The following PKHD1L1 variants were observed in gnomAD, a reference collection of about 807,000 sequenced individuals.
PKHD1L1 encodes the protein fibrocystin-L.
A neutral mutation model predicts 462.9 loss-of-function variants in PKHD1L1; 434 were observed. The observed-to-expected ratio is 0.94, with a 90% confidence interval of 0.87 to 1.02. The LOEUF (loss-of-function observed/expected upper bound fraction) is 1.02, where lower values mean the gene tolerates loss of function less well. Among genes scored for constraint, PKHD1L1 ranks in the 50% least tolerant of loss-of-function variants. The pLI, the probability that PKHD1L1 is intolerant of heterozygous loss-of-function variation, is 0.00. For missense variants in PKHD1L1, 5,202 were observed against 5,096.1 expected (o/e 1.02, Z -0.63); for synonymous variants, 1,781 against 1,750.0 (o/e 1.02, Z -0.44).
In PKHD1L1 at chr8:109,518,298, TC is replaced by T; in HGVS notation, c.11822del (p.Ser3941PhefsTer26). 4.3e-6 allele frequency: 7 copies of T among 1,612,768 alleles called. No individual in the cohort carries two copies. Among genetic ancestry groups the T allele is most frequent in the Admixed American group, 1.7e-5 (1 of 59,932 alleles). ...EIHTATVIFV[S>X]FQLSVATEDD... ...TCACACTGCCACAGTGATATTTGTT[TC>T]TTTCCAATTATCTGTTGCAACAGAA... is the stretch of plus-strand genomic sequence containing the variant. On this transcript the variant is annotated frameshift_variant, in exon 73 of 78. Transcript: ENST00000378402. LOFTEE classifies it high-confidence loss of function.
At chr8:109,504,531 G>A (rs375048445) in intron 68 of PKHD1L1, 39 bp downstream of exon 68, 4 of 1,260,528 alleles carry the variant, frequency 3.2e-6, no homozygotes, top group Non-Finnish European at 1.1e-6. Context: ...TATCTTTATA[G>A]TTTTTCATTC....
chr8:109,416,792 A>G (rs1207538580), intron 21 of PKHD1L1, among the ~76,000 whole-genome samples: 1 of 152,184 alleles, frequency 6.6e-6, no homozygotes, highest in East Asian at 1.9e-4. Context: ...ATTATATACC[A>G]CTGCTTCATG....
In PKHD1L1 at chr8:109,466,804, A is replaced by C. The variant is rs539987370; in HGVS notation, c.8605+35A>C. On this transcript the variant is annotated intron_variant, in intron 50 of 77. Coordinates refer to ENST00000378402, the MANE Select transcript of PKHD1L1 (RefSeq NM_177531.6). ...ATATATTAGTTTAAACAACTAATTT[A>C]AATATATCTTCCTAAACTTTTGTCA... 10 of 1,532,828 alleles carry C rather than the reference A, an allele frequency of 6.5e-6. No homozygotes were observed. The Admixed American group carries it at 1.5e-4, about 23-fold the overall frequency. The allele number at this position is 1,532,828 out of a possible 1,614,324, so 95.0% of individuals were successfully genotyped here. A position where few individuals can be genotyped will look rare whatever the true frequency, so the allele number is the denominator to read the frequency against.
At chr8:109,513,907 G>T (rs1281987077) in intron 71 of PKHD1L1, among the ~76,000 whole-genome samples, 1 of 151,880 alleles carries the variant, frequency 6.6e-6, no homozygotes, top group Non-Finnish European at 1.5e-5. Flanking sequence ...TTCCACCTTT[G>T]CCCTTCTATA....
At chr8:109,373,738 A>G (rs1351253633) in intron 2 of PKHD1L1, among the ~76,000 whole-genome samples, 1 of 152,094 alleles carries the variant, frequency 6.6e-6, no homozygotes, top group Non-Finnish European at 1.5e-5. Context: ...GAACATCTTT[A>G]TTTCTGCCTT....
chr8:109,390,619 A>G, intron 9 of PKHD1L1, 125 bp downstream of exon 9: 2 of 467,352 alleles, frequency 4.3e-6, no homozygotes, highest in Non-Finnish European at 3.7e-6. Flanking sequence ...TCCCCAATTA[A>G]CAGTTAAAGA....
At chr8:109,398,906 A>G (rs1293424402) in intron 12 of PKHD1L1, among the ~76,000 whole-genome samples, 2 of 152,190 alleles carry the variant, frequency 1.3e-5, no homozygotes, top group Non-Finnish European at 2.9e-5. Context: ...TTAAAAAAAG[A>G]TAAATAGGGG....
At chr8:109,435,584 TATC>T (rs1815363595) in intron 29 of PKHD1L1, among the ~76,000 whole-genome samples, 1 of 152,220 alleles carries the variant, frequency 6.6e-6, no homozygotes, top group Non-Finnish European at 1.5e-5. Flanking sequence ...ATTGAATTAA[TATC>T]ATCAATTATT....
At chr8:109,469,190 A>G (rs1237254513) in intron 50 of PKHD1L1, among the ~76,000 whole-genome samples, 1 of 152,116 alleles carries the variant, frequency 6.6e-6, no homozygotes, top group East Asian at 1.9e-4. Flanking sequence ...ACCCAATCCC[A>G]TGGCACCATC....
chr8:109,469,848 A>G (rs557869188), intron 50 of PKHD1L1, among the ~76,000 whole-genome samples: 1 of 152,338 alleles, frequency 6.6e-6, no homozygotes, highest in South Asian at 2.1e-4. Context: ...CAAAATATCT[A>G]TGAATGTTTC....
chr8:109,369,269 A>C (rs1811377901), intron 2 of PKHD1L1, among the ~76,000 whole-genome samples: 1 of 152,134 alleles, frequency 6.6e-6, no homozygotes, highest in Admixed American at 6.6e-5. Flanking sequence ...GAGCCACCGC[A>C]CCTGGCCTAG....
intron 21 of PKHD1L1, among the ~76,000 whole-genome samples, chr8:109,417,785 C>T (rs1003669211): frequency 4.6e-5 from 7 of 152,136 alleles, no homozygotes; most frequent in African/African-American, 1.7e-4. Flanking sequence ...CTCCTGACCT[C>T]GTGATCCACC....
chr8:109,429,430 GA>G lies in PKHD1L1; in HGVS notation c.3092del (p.Asp1031AlafsTer38). On this transcript the variant is annotated frameshift_variant, in exon 26 of 78. Coordinates refer to ENST00000378402, the MANE Select transcript of PKHD1L1 (RefSeq NM_177531.6). LOFTEE classifies it high-confidence loss of function. ...CTTATTCAGACAACATGTACTTGGA[GA>G]CCTACTTCGTACACCCAGTCAACAG... ...GGLFRQHVLG[D>X]LLRTPSQQPQ... 6.2e-7 allele frequency: 1 copy of G among 1,608,080 alleles called. No individual in the cohort carries two copies. The highest frequency in any genetic ancestry group is 1.1e-5 in the South Asian group (1 of 89,884).
Position 109,465,265 on chromosome 8 carries a change from T to C in PKHD1L1, c.8413+20T>C, listed in dbSNP as rs1817376239. 1.3e-6 allele frequency: 2 copies of C among 1,595,798 alleles called. No homozygotes were observed. Among genetic ancestry groups the C allele is most frequent in the South Asian group, 2.3e-5 (2 of 88,132 alleles). On this transcript the variant is annotated intron_variant, in intron 49 of 77. Coordinates refer to ENST00000378402, the MANE Select transcript of PKHD1L1 (RefSeq NM_177531.6). ...TTACAGGTAATGTTATTTTTTAATT[T>C]GTGATAAAAATCCATTGGAAATATG...
At chr8:109,463,186 T>A (rs1817234919) in intron 48 of PKHD1L1, among the ~76,000 whole-genome samples, 1 of 152,182 alleles carries the variant, frequency 6.6e-6, no homozygotes, top group South Asian at 2.1e-4. Context: ...ATGCATGTTA[T>A]CCCTATGACA....
chr8:109,495,768 A>C (rs1158054522), intron 63 of PKHD1L1, among the ~76,000 whole-genome samples: 1 of 152,206 alleles, frequency 6.6e-6, no homozygotes. Context: ...AAAAGGAAAC[A>C]GATACCAGGG....
At position 109,444,765 on chromosome 8, in the gene PKHD1L1, T is replaced by C; in HGVS notation, c.4896T>C (p.Thr1632=). Residue 1632 remains threonine, a synonymous_variant, in exon 38 of 78, where the codon ACT becomes ACC. Coordinates refer to ENST00000378402, the MANE Select transcript of PKHD1L1 (RefSeq NM_177531.6). ...CAATGGATGTTGGTATCAGGGAAACTGTCACTTTGACTGTCTACAACCTGG... is the reference window on the plus strand; with the variant it reads ...CAATGGATGTTGGTATCAGGGAAACCGTCACTTTGACTGTCTACAACCTGG... ...QNSMDVGIRE[T]VTLTVYNLGT... 6.2e-7 allele frequency: 1 copy of C among 1,614,020 alleles called. No individual in the cohort carries two copies. The highest frequency in any genetic ancestry group is 8.5e-7 in the Non-Finnish European group (1 of 1,179,880).
intron 53 of PKHD1L1, among the ~76,000 whole-genome samples, chr8:109,478,742 A>T (rs1366694791): frequency 6.6e-6 from 1 of 152,128 alleles, no homozygotes; most frequent in Non-Finnish European, 1.5e-5. Context: ...ACAGATTTAG[A>T]TTGCTCTAGG....
At chr8:109,519,599 C>T (rs938836097) in intron 73 of PKHD1L1, among the ~76,000 whole-genome samples, 2 of 151,978 alleles carry the variant, frequency 1.3e-5, no homozygotes, top group Non-Finnish European at 2.9e-5. Context: ...CTAGGTGTAC[C>T]CCTCCCCAAG....
Sources: allele counts gnomAD v4.1 joint callset (sites outside exome capture counted in the v4.1 genomes callset), GRCh38; gene constraint gnomAD v4.1.1; transcripts MANE v1.5; gene names NCBI Gene and HGNC (gene_info 2026-07-23, HGNC 2026-07-21).